The following CCDC181 variants were observed in gnomAD, a reference collection of about 807,000 sequenced individuals.
CCDC181 encodes the protein coiled-coil domain-containing protein 181.
A neutral mutation model predicts 58.7 loss-of-function variants in CCDC181; 35 were observed. The ratio of observed to expected loss-of-function variants is 0.60; its 90% CI spans 0.46 to 0.79. The LOEUF (loss-of-function observed/expected upper bound fraction) is 0.79, where lower values mean the gene tolerates loss of function less well. CCDC181 is among the 30% of genes least tolerant of loss of function. The probability of loss-of-function intolerance (pLI) is 0.00; values close to 1 mark genes in which losing one functional copy is unlikely to be tolerated. For synonymous variants in CCDC181, 183 were observed against 197.5 expected, an observed-to-expected ratio of 0.93 and a Z score of 0.62; for missense variants, 517 against 583.9, an observed-to-expected ratio of 0.89 and a Z score of 1.18.
At chr1:169,452,970 A>C (rs1035814285) in intron 2 of CCDC181, among the ~76,000 whole-genome samples, 10 of 152,118 alleles carry the variant, frequency 6.6e-5, no homozygotes, top group Non-Finnish European at 1.2e-4. Context: ...CTAGTCATTA[A>C]TTTATGAAGT....
At chr1:169,399,198 C>T (rs1655210856) in intron 4 of CCDC181, among the ~76,000 whole-genome samples, 1 of 152,042 alleles carries the variant, frequency 6.6e-6, no homozygotes, top group Non-Finnish European at 1.5e-5. Context: ...ATTCTGGCTG[C>T]TATGTGGAAA....
At chr1:169,410,668 G>A (rs1328342693) in intron 4 of CCDC181, among the ~76,000 whole-genome samples, 1 of 152,184 alleles carries the variant, frequency 6.6e-6, no homozygotes, top group Non-Finnish European at 1.5e-5. Flanking sequence ...AAATGCAAAA[G>A]AATGCAAATC....
intron 4 of CCDC181, among the ~76,000 whole-genome samples, chr1:169,404,810 G>C (rs1655559949): frequency 6.6e-6 from 1 of 152,112 alleles, no homozygotes; most frequent in Non-Finnish European, 1.5e-5. Context: ...TTCTGGACAG[G>C]GCAATCAGGC....
chr1:169,424,295 A>C (rs1227535467), intron 2 of CCDC181, among the ~76,000 whole-genome samples: 1 of 151,894 alleles, frequency 6.6e-6, no homozygotes, highest in Non-Finnish European at 1.5e-5. Flanking sequence ...TTTTCCTAGG[A>C]GTATTCCTGT....
At position 169,394,994 on chromosome 1, in the gene CCDC181, T is replaced by A; in HGVS notation, c.*53A>T. The stretch of plus-strand genomic sequence containing the variant: ...ACCAAAGTACACAGACCCTAAGAAA[T>A]CATATCCAAAATTTTGATAGCAGCT... On this transcript the variant is annotated 3_prime_UTR_variant, in exon 6 of 6. Coordinates refer to ENST00000367806, the MANE Select transcript of CCDC181 (RefSeq NM_001300969.2). 6.8e-7 allele frequency: 1 copy of A among 1,479,378 alleles called. No homozygotes were observed. Among genetic ancestry groups the A allele is most frequent in the African/African-American group, 1.4e-5 (1 of 70,656 alleles). The allele number at this position is 1,479,378 out of a possible 1,614,324, so 91.6% of individuals were successfully genotyped here.
intron 2 of CCDC181, among the ~76,000 whole-genome samples, chr1:169,438,413 T>C (rs924120663): frequency 1.1e-4 from 16 of 152,166 alleles, no homozygotes; most frequent in African/African-American, 3.6e-4. Flanking sequence ...CCCTGCTTGC[T>C]GTGCCATAGC....
intron 2 of CCDC181, among the ~76,000 whole-genome samples, chr1:169,439,021 T>C (rs1264953238): frequency 6.6e-6 from 1 of 152,172 alleles, no homozygotes; most frequent in Non-Finnish European, 1.5e-5. Context: ...ACCAAGACTC[T>C]TCCTACTAGT....
chr1:169,430,023 T>G (rs1323582350), upstream of CCDC181, among the ~76,000 whole-genome samples: 2 of 152,144 alleles, frequency 1.3e-5, no homozygotes, highest in Non-Finnish European at 2.9e-5. Context: ...TTCTACATGT[T>G]GCTTGCCAAT....
chr1:169,442,243 T>C (rs941801352), intron 2 of CCDC181, among the ~76,000 whole-genome samples: 4 of 152,080 alleles, frequency 2.6e-5, no homozygotes, highest in Non-Finnish European at 4.4e-5. Flanking sequence ...TTAAAAATAG[T>C]TATTCAGAAC....
intron 4 of CCDC181, among the ~76,000 whole-genome samples, chr1:169,398,571 G>A (rs568651952): frequency 6.6e-6 from 1 of 151,416 alleles, no homozygotes; most frequent in Non-Finnish European, 1.5e-5. Flanking sequence ...TAAAATTAAG[G>A]TTCCCTCTCT....
intron 2 of CCDC181, among the ~76,000 whole-genome samples, chr1:169,456,741 A>G (rs572455247): frequency 6.6e-6 from 1 of 152,292 alleles, no homozygotes; most frequent in South Asian, 2.1e-4. Flanking sequence ...CATGCAGTCA[A>G]CCTTGGACTT....
chr1:169,436,346 G>C (rs1053549108), intron 2 of CCDC181, among the ~76,000 whole-genome samples: 2 of 152,134 alleles, frequency 1.3e-5, no homozygotes, highest in African/African-American at 4.8e-5. Context: ...TTCACGGTAT[G>C]TTTGTGGTAT....
At chr1:169,411,794 T>C (rs1043186195) in intron 4 of CCDC181, among the ~76,000 whole-genome samples, 3 of 152,158 alleles carry the variant, frequency 2.0e-5, no homozygotes, top group African/African-American at 2.4e-5. Context: ...ATTATCTCAA[T>C]AGTTGCAGAA....
At chr1:169,397,208 A>AG in intron 5 of CCDC181, 29 bp downstream of exon 5, 3 of 1,497,488 alleles carry the variant, frequency 2.0e-6, no homozygotes. Flanking sequence ...AGGAAGGAGG[A>AG]GGGGGGAAAT....
chr1:169,431,513 A>G (rs1607271), upstream of CCDC181, among the ~76,000 whole-genome samples: 12,856 of 152,274 alleles, frequency 0.084, 737 homozygotes, highest in Admixed American at 0.19. Context: ...CCAGGAATCT[A>G]TCTCCCCACC....
At chr1:169,428,115 A>G (rs1031885608), upstream of CCDC181, among the ~76,000 whole-genome samples, 1 of 152,236 alleles carries the variant, frequency 6.6e-6, no homozygotes, top group African/African-American at 2.4e-5. Flanking sequence ...TAGGATTTCT[A>G]TCACTTGATG....
At chr1:169,432,328 AAG>A, upstream of CCDC181, among the ~76,000 whole-genome samples, 1 of 152,234 alleles carries the variant, frequency 6.6e-6, no homozygotes. Context: ...GTTAAAAGTG[AAG>A]AGAGCCTAGG....
intron 4 of CCDC181, among the ~76,000 whole-genome samples, chr1:169,412,005 C>G (rs1655990024): frequency 6.6e-6 from 1 of 152,184 alleles, no homozygotes; most frequent in Non-Finnish European, 1.5e-5. Context: ...TCCTATTCAA[C>G]ATAGTATTGG....
chr1:169,412,514 G>GA (rs747515184), intron 4 of CCDC181, among the ~76,000 whole-genome samples: 46 of 152,138 alleles, frequency 3.0e-4, no homozygotes, highest in Non-Finnish European at 4.7e-4. Flanking sequence ...CACAGAATTA[G>GA]AAAAAACTTC....
Sources: gnomAD v4.1 joint callset for allele counts (sites outside exome capture counted in the v4.1 genomes callset) on GRCh38, gnomAD v4.1.1 for gene constraint, MANE v1.5 for transcripts, NCBI Gene and HGNC (gene_info 2026-07-23, HGNC 2026-07-21) for gene names.